The following RASSF8 variants were observed in gnomAD, a reference collection of about 807,000 sequenced individuals.
RASSF8 encodes the protein Ras association domain family member 8, also known as ras association domain-containing protein 8.
In RASSF8, 22 loss-of-function variants were observed where a neutral mutation model predicts 48.5. The ratio of observed to expected loss-of-function variants is 0.45; its 90% confidence interval spans 0.32 to 0.65. The LOEUF is 0.65. RASSF8 is among the 30% of genes least tolerant of loss of function. RASSF8 has a pLI of 0.03. For synonymous variants in RASSF8, 127 were observed against 171.5 expected (o/e 0.74, Z 2.03); for missense variants, 418 against 489.2 (o/e 0.85, Z 1.37).
At chr12:26,007,382 A>T (rs886092369) in intron 2 of RASSF8, among the ~76,000 whole-genome samples, 1 of 152,154 alleles carries the variant, frequency 6.6e-6, no homozygotes, top group Non-Finnish European at 1.5e-5. Flanking sequence ...TCACTAGCAA[A>T]TCTGTCTCTC....
chr12:25,976,067 T>C (rs1460674856), intron 1 of RASSF8, among the ~76,000 whole-genome samples: 1 of 152,186 alleles, frequency 6.6e-6, no homozygotes, highest in Non-Finnish European at 1.5e-5. Context: ...ACAGGTCTCC[T>C]GGTCTCCTCT....
chr12:25,960,734 G>A (rs1304418690), intron 1 of RASSF8, among the ~76,000 whole-genome samples: 7 of 152,172 alleles, frequency 4.6e-5, no homozygotes, highest in Non-Finnish European at 1.0e-4. Context: ...GTAATGCACT[G>A]AGTTCTTTCT....
At chr12:25,964,573 C>T (rs541740244) in intron 1 of RASSF8, among the ~76,000 whole-genome samples, 1 of 152,128 alleles carries the variant, frequency 6.6e-6, no homozygotes, top group South Asian at 2.1e-4. Context: ...TCATGTTTAT[C>T]CTTATAGTAA....
chr12:26,009,108 A>G (rs762378667), intron 2 of RASSF8, among the ~76,000 whole-genome samples: 6 of 152,238 alleles, frequency 3.9e-5, no homozygotes, highest in African/African-American at 1.4e-4. Context: ...GCTGCCAGCT[A>G]TCATAACACC....
At chr12:26,011,973 A>G (rs1942537357) in intron 2 of RASSF8, among the ~76,000 whole-genome samples, 1 of 152,240 alleles carries the variant, frequency 6.6e-6, no homozygotes, top group East Asian at 1.9e-4. Context: ...TCTGTGATAT[A>G]TGTATAACAT....
At chr12:25,971,586 AAAG>A (rs905347473) in intron 1 of RASSF8, among the ~76,000 whole-genome samples, 26 of 152,318 alleles carry the variant, frequency 1.7e-4, no homozygotes, top group South Asian at 4.1e-4. Context: ...AAAGAAAAAA[AAAG>A]AAGAAGAAAA....
At chr12:26,044,058 A>G (rs1206865402) in intron 2 of RASSF8, among the ~76,000 whole-genome samples, 3 of 152,218 alleles carry the variant, frequency 2.0e-5, no homozygotes, top group Non-Finnish European at 2.9e-5. Context: ...TTAAAAACCT[A>G]GTTATCTCAA....
At chr12:26,073,801 C>T (rs554478271), downstream of RASSF8, among the ~76,000 whole-genome samples, 8,503 of 93,972 alleles carry the variant, frequency 0.09, 430 homozygotes, top group Middle Eastern at 0.19. Context: ...ATTATGTATA[C>T]ACACACATAT....
chr12:26,010,342 C>T (rs1393078332), intron 2 of RASSF8, among the ~76,000 whole-genome samples: 2 of 152,190 alleles, frequency 1.3e-5, no homozygotes, highest in African/African-American at 4.8e-5. Flanking sequence ...CTTCTTGTCC[C>T]CTGGGGGACC....
chr12:25,963,148 A>C (rs1321248592), intron 1 of RASSF8, among the ~76,000 whole-genome samples: 1 of 152,100 alleles, frequency 6.6e-6, no homozygotes, highest in Non-Finnish European at 1.5e-5. Flanking sequence ...CAAGACCTAG[A>C]GTTCTAAGGA....
chr12:25,989,037 G>A (rs147739809), intron 1 of RASSF8, among the ~76,000 whole-genome samples: 2 of 152,286 alleles, frequency 1.3e-5, no homozygotes, highest in East Asian at 1.9e-4. Context: ...AACTCACTGT[G>A]CCTCCAACAG....
chr12:26,066,218 G>C (rs1460194826), intron 4 of RASSF8, among the ~76,000 whole-genome samples: 5 of 152,170 alleles, frequency 3.3e-5, no homozygotes, highest in Non-Finnish European at 5.9e-5. Flanking sequence ...CACCATTGAA[G>C]GAGGTTCTGT....
At chr12:26,074,766 T>C (rs145764660), downstream of RASSF8, among the ~76,000 whole-genome samples, 1,265 of 152,086 alleles carry the variant, frequency 8.3e-3, 10 homozygotes, top group Admixed American at 0.014. Context: ...ACCCAGTGTG[T>C]TGGAAGATCC....
intron 2 of RASSF8, among the ~76,000 whole-genome samples, chr12:26,007,693 G>A (rs1441222656): frequency 6.6e-6 from 1 of 152,240 alleles, no homozygotes; most frequent in Non-Finnish European, 1.5e-5. Flanking sequence ...GTACAGCCGA[G>A]TGTGGGCAGG....
At chr12:25,981,940 A>C (rs1009462354) in intron 1 of RASSF8, among the ~76,000 whole-genome samples, 1 of 152,254 alleles carries the variant, frequency 6.6e-6, no homozygotes, top group African/African-American at 2.4e-5. Flanking sequence ...CCCTATTTCA[A>C]GGATATGTTT....
chr12:25,987,820 T>C (rs1941921977), intron 1 of RASSF8, among the ~76,000 whole-genome samples: 1 of 152,128 alleles, frequency 6.6e-6, no homozygotes, highest in Non-Finnish European at 1.5e-5. Context: ...AAGGTCATTG[T>C]TGCTTGAAAT....
rs779556407 is a variant in RASSF8, at chr12:26,069,655, TG to T, written c.*839del. On this transcript the variant is annotated 3_prime_UTR_variant, in exon 6 of 6. Transcript: ENST00000689635. The stretch of plus-strand genomic sequence containing the variant: ...TGCCCTGTCTTATCATTTACACTCA[TG>T]GATCTTCAGAATTAATCTAACATGG... 16 of 985,326 alleles carry T rather than the reference TG, an allele frequency of 1.6e-5. No individual in the cohort carries two copies. Among genetic ancestry groups the T allele is most frequent in the African/African-American group, 1.2e-4 (7 of 57,260 alleles). 61.0% of individuals were successfully genotyped at this position (985,326 alleles called of 1,614,324 possible).
intron 1 of RASSF8, among the ~76,000 whole-genome samples, chr12:25,971,415 A>G (rs1941480917): frequency 6.6e-6 from 1 of 152,124 alleles, no homozygotes; most frequent in Non-Finnish European, 1.5e-5. Context: ...CTGAACTAAC[A>G]TTGGGCCAAG....
At chr12:26,025,649 T>A (rs1942895749) in intron 2 of RASSF8, among the ~76,000 whole-genome samples, 1 of 148,632 alleles carries the variant, frequency 6.7e-6, no homozygotes, top group Non-Finnish European at 1.5e-5. Flanking sequence ...TATGGAAAAA[T>A]CTTAAGGAAT....
Sources: gnomAD v4.1 joint callset for allele counts (sites outside exome capture counted in the v4.1 genomes callset) on GRCh38, gnomAD v4.1.1 for gene constraint, MANE v1.5 for transcripts, NCBI Gene and HGNC (gene_info 2026-07-23, HGNC 2026-07-21) for gene names.